The following ATP8A2 variants were observed in gnomAD, a reference collection of about 807,000 sequenced individuals.
ATP8A2 encodes the protein phospholipid-transporting ATPase IB.
A neutral mutation model predicts 165.6 loss-of-function variants in ATP8A2; 100 were observed. The ratio of observed to expected loss-of-function variants is 0.60; its 90% CI spans 0.51 to 0.71. The LOEUF (loss-of-function observed/expected upper bound fraction) is 0.71, where lower values mean the gene tolerates loss of function less well. Ranked by LOEUF, ATP8A2 falls within the 30% of genes least tolerant of loss-of-function variation. The pLI is 0.00. For missense variants in ATP8A2, 1,227 were observed against 1,479.5 expected, an observed-to-expected ratio of 0.83 and a Z score of 2.80; for synonymous variants, 543 against 548.8, an observed-to-expected ratio of 0.99 and a Z score of 0.15.
At chr13:25,876,755 A>T (rs908017407) in intron 33 of ATP8A2, among the ~76,000 whole-genome samples, 2 of 152,238 alleles carry the variant, frequency 1.3e-5, no homozygotes, top group Non-Finnish European at 2.9e-5. Context: ...TTTAAAATGA[A>T]TCCTTAATAA....
chr13:25,837,759 T>G (rs1045864760), intron 29 of ATP8A2, among the ~76,000 whole-genome samples: 2 of 152,062 alleles, frequency 1.3e-5, no homozygotes, highest in East Asian at 3.9e-4. Flanking sequence ...ATTGACTAGA[T>G]ATGAACTCAG....
chr13:25,428,542 G>A (rs2034515418), intron 1 of ATP8A2, among the ~76,000 whole-genome samples: 1 of 152,122 alleles, frequency 6.6e-6, no homozygotes, highest in Admixed American at 6.5e-5. Flanking sequence ...AGTGCTGTGG[G>A]ACCACAGGGA....
chr13:25,372,354 C>T lies in ATP8A2; in HGVS notation c.76+66C>T. ...GCGGGGGCGGCGCGGGGCGCGCCTG[C>T]GGTTATGCGACACTGCCCCGCCCGC... On this transcript the variant is annotated intron_variant, in intron 1 of 36. Transcript: ENST00000381655. This position sits in a 1 kb window ranked among gnomAD's most constrained non-coding sequence, Gnocchi z 4.8. 2 of 1,244,410 alleles carry T rather than the reference C, an allele frequency of 1.6e-6. No homozygotes were observed. The highest frequency in any genetic ancestry group is 3.3e-5 in the East Asian group (1 of 30,480). The allele number at this position is 1,244,410 out of a possible 1,614,324, so 77.1% of individuals were successfully genotyped here.
chr13:25,611,049 A>T (rs1472237746), intron 24 of ATP8A2, among the ~76,000 whole-genome samples: 1 of 151,902 alleles, frequency 6.6e-6, no homozygotes, highest in Non-Finnish European at 1.5e-5. Context: ...TTTTTGGATG[A>T]GTCTTAAGGG....
chr13:25,559,849 A>G (rs2039089496), intron 15 of ATP8A2, 84 bp downstream of exon 15: 2 of 1,071,338 alleles, frequency 1.9e-6, no homozygotes, highest in Non-Finnish European at 1.4e-6. Flanking sequence ...ACATTTTTAG[A>G]GACAGCCTCA....
At chr13:25,376,301 C>G (rs999520558) in intron 1 of ATP8A2, among the ~76,000 whole-genome samples, 3 of 152,194 alleles carry the variant, frequency 2.0e-5, no homozygotes, top group Non-Finnish European at 4.4e-5. Context: ...AGATAATAAT[C>G]TAATTTCTCC....
chr13:25,540,508 A>G (rs2038438468), intron 8 of ATP8A2, 120 bp downstream of exon 8: 2 of 715,662 alleles, frequency 2.8e-6, no homozygotes, highest in Non-Finnish European at 4.9e-6. Context: ...CTTAGCCCTA[A>G]TGGAATCTAT....
intron 1 of ATP8A2, among the ~76,000 whole-genome samples, chr13:25,453,009 C>T (rs960244896): frequency 1.3e-5 from 2 of 151,802 alleles, no homozygotes; most frequent in Admixed American, 6.6e-5. Flanking sequence ...GCAGGAGAAT[C>T]GCTTGAGCCC....
intron 2 of ATP8A2, among the ~76,000 whole-genome samples, chr13:25,505,096 A>G (rs966809720): frequency 4.7e-5 from 7 of 149,806 alleles, no homozygotes; most frequent in Admixed American, 4.1e-4. Context: ...TGGTTTTAGA[A>G]TTATTGGATT....
chr13:25,816,590 C>T (rs1055641916), intron 27 of ATP8A2, among the ~76,000 whole-genome samples: 10 of 152,190 alleles, frequency 6.6e-5, no homozygotes, highest in African/African-American at 1.9e-4. Flanking sequence ...CGTCCCATGC[C>T]TGTCCCCAAA....
chr13:25,629,305 A>G (rs1379470783), intron 24 of ATP8A2, among the ~76,000 whole-genome samples: 1 of 152,198 alleles, frequency 6.6e-6, no homozygotes, highest in Non-Finnish European at 1.5e-5. Flanking sequence ...AAATCATATC[A>G]TTGAAAAGCA....
rs567583558 is a variant in ATP8A2, at chr13:25,764,250, CCTT to C, written c.2385-4792_2385-4790del. ...TTTCGGTTAGTTTTTGCCCCTACCACCTTCTTATTTGAGACACTCAGATTAAAA... is the reference window on the plus strand; with the variant it reads ...TTTCGGTTAGTTTTTGCCCCTACCACCTTATTTGAGACACTCAGATTAAAA... On this transcript the variant is annotated intron_variant, in intron 25 of 36. Coordinates refer to ENST00000381655, the MANE Select transcript of ATP8A2 (RefSeq NM_016529.6). Among the ~76,000 whole-genome samples the C allele has an allele frequency of 4.6e-3, 700 of 152,262 alleles. 10 individuals carry two copies. The highest frequency in any genetic ancestry group is 0.015 in the African/African-American group (644 of 41,556).
intron 34 of ATP8A2, among the ~76,000 whole-genome samples, chr13:25,963,255 G>A (rs922919847): frequency 3.9e-5 from 6 of 152,076 alleles, no homozygotes; most frequent in South Asian, 4.2e-4. Context: ...TTAGCTGGGC[G>A]TGGTGGCGGG....
intron 16 of ATP8A2, among the ~76,000 whole-genome samples, chr13:25,566,263 A>C (rs776343097): frequency 6.6e-6 from 1 of 152,042 alleles, no homozygotes; most frequent in Non-Finnish European, 1.5e-5. Flanking sequence ...GTTCTGTTTC[A>C]GTCACAGACA....
At chr13:25,799,584 G>A (rs1950576693) in intron 27 of ATP8A2, among the ~76,000 whole-genome samples, 1 of 152,194 alleles carries the variant, frequency 6.6e-6, no homozygotes, top group Non-Finnish European at 1.5e-5. Context: ...TTTCACACAA[G>A]TCTTCCACGT....
intron 35 of ATP8A2, among the ~76,000 whole-genome samples, chr13:25,983,539 T>G (rs900100103): frequency 1.3e-5 from 2 of 152,320 alleles, no homozygotes; most frequent in East Asian, 1.9e-4. Flanking sequence ...TGTAGAGAAT[T>G]ATGTTCTAAA....
chr13:25,435,049 T>A lies in ATP8A2; in HGVS notation c.77-33928T>A, dbSNP rs75079262. On this transcript the variant is annotated intron_variant, in intron 1 of 36. Transcript: ENST00000381655. ...TGCTGGGGCACCTTGAGTTCTTATG[T>A]GTTCATCTGCTGGAGACTGATAGAA... 7.0e-3 allele frequency among the ~76,000 whole-genome samples: 1,060 copies of A among 152,248 alleles called. 60 individuals carry two copies. In the East Asian group the frequency reaches 0.15, roughly 21 times the overall value.
At chr13:25,465,682 TC>T (rs1566153045) in intron 1 of ATP8A2, among the ~76,000 whole-genome samples, 10 of 11,986 alleles carry the variant, frequency 8.3e-4, no homozygotes, top group African/African-American at 2.1e-3. Context: ...TTTCTTTCTT[TC>T]TTTCTTTCTT....
intron 1 of ATP8A2, among the ~76,000 whole-genome samples, chr13:25,461,860 G>GGAA (rs1363181477): frequency 2.6e-5 from 4 of 151,780 alleles, no homozygotes; most frequent in African/African-American, 7.3e-5. Flanking sequence ...AGAAGGAGGA[G>GGAA]GAGGAGGAGG....
Sources: gnomAD v4.1 joint callset for allele counts (sites outside exome capture counted in the v4.1 genomes callset) on GRCh38, gnomAD v4.1.1 for gene constraint, Gnocchi (gnomAD v3.1) non-coding constraint, MANE v1.5 for transcripts, NCBI Gene and HGNC (gene_info 2026-07-23, HGNC 2026-07-21) for gene names.